MTUS2: variants seen among roughly 807,000 people sequenced by gnomAD.
MTUS2 encodes microtubule associated scaffold protein 2.
Under a neutral mutation model 114.1 loss-of-function variants are expected in MTUS2, and 40 were observed. The ratio of observed to expected loss-of-function variants is 0.35; its 90% CI spans 0.27 to 0.46. MTUS2 has a LOEUF of 0.46. MTUS2 is among the 20% of genes least tolerant of loss of function. The probability of loss-of-function intolerance (pLI) is 1.00; values close to 1 mark genes in which losing one functional copy is unlikely to be tolerated. For synonymous variants in MTUS2, 688 were observed against 672.0 expected, an observed-to-expected ratio of 1.02 and a Z score of -0.37; for missense variants, 1,679 against 1,705.4, an observed-to-expected ratio of 0.98 and a Z score of 0.27.
At chr13:29,234,703 C>A (rs542299645) in intron 5 of MTUS2, among the ~76,000 whole-genome samples, 82 of 118,178 alleles carry the variant, frequency 6.9e-4, no homozygotes, top group African/African-American at 2.7e-3. Flanking sequence ...TAGTCTGTTT[C>A]CCACTATGTA....
chr13:28,920,062 G>C (rs1397539784), intron 2 of MTUS2, among the ~76,000 whole-genome samples: 4 of 152,142 alleles, frequency 2.6e-5, no homozygotes. Context: ...CTCCAGGATT[G>C]GTCCCTGATG....
chr13:29,232,051 T>A (rs1896344354), intron 5 of MTUS2, among the ~76,000 whole-genome samples: 1 of 151,984 alleles, frequency 6.6e-6, no homozygotes, highest in Non-Finnish European at 1.5e-5. Flanking sequence ...GGCCTAAGAG[T>A]TGTATAGGCA....
rs1487786982 is a variant in MTUS2 at position 29,305,193 on chromosome 13, G to A, written c.2807-19420G>A. ...TCCATGTCAAAAAGCTAGAAAGATTGTAAGTTAACAACCTAACATCTCAAA... is the reference window on the plus strand; with the variant it reads ...TCCATGTCAAAAAGCTAGAAAGATTATAAGTTAACAACCTAACATCTCAAA... On this transcript the variant is annotated intron_variant, in intron 6 of 15. Transcript: ENST00000612955. Among the ~76,000 whole-genome samples the A allele has an allele frequency of 2.6e-5, 4 of 152,110 alleles. No homozygotes were observed. The South Asian group carries it at 6.2e-4, about 24-fold the overall frequency.
At chr13:28,875,900 C>T (rs1321766225) in intron 2 of MTUS2, among the ~76,000 whole-genome samples, 6 of 152,056 alleles carry the variant, frequency 3.9e-5, no homozygotes, top group African/African-American at 7.3e-5. Flanking sequence ...TATTAAAACC[C>T]GTTTAAAATT....
intron 9 of MTUS2, among the ~76,000 whole-genome samples, chr13:29,463,992 CAAAAGAAAAG>C (rs61554197): frequency 0.087 from 13,177 of 151,766 alleles, 1,833 homozygotes; most frequent in African/African-American, 0.3. Context: ...GACTGTGTCT[CAAAAGAAAAG>C]AAAAGAAAAG....
intron 5 of MTUS2, among the ~76,000 whole-genome samples, chr13:29,207,137 G>A (rs551856039): frequency 4.7e-4 from 72 of 151,906 alleles, no homozygotes; most frequent in African/African-American, 1.6e-3. Flanking sequence ...TTGGTTAGGT[G>A]TAATATACTC....
At chr13:28,931,925 G>A (rs904610411) in intron 2 of MTUS2, among the ~76,000 whole-genome samples, 3 of 151,964 alleles carry the variant, frequency 2.0e-5, no homozygotes, top group East Asian at 1.9e-4. Flanking sequence ...GAGAACATGC[G>A]GTGTCAACCT....
intron 8 of MTUS2, among the ~76,000 whole-genome samples, chr13:29,375,321 A>G (rs1201905393): frequency 1.3e-5 from 2 of 150,664 alleles, no homozygotes; most frequent in African/African-American, 4.9e-5. Flanking sequence ...GAAAGCCATT[A>G]CTTTTGCGGT....
At chr13:28,875,416 A>G (rs528826859) in intron 2 of MTUS2, among the ~76,000 whole-genome samples, 78 of 152,380 alleles carry the variant, frequency 5.1e-4, no homozygotes, top group African/African-American at 1.1e-3. Flanking sequence ...CCAAACTTAG[A>G]TAAAGTGGAT....
At chr13:29,373,307 G>GT (rs1452382842) in intron 8 of MTUS2, among the ~76,000 whole-genome samples, 1 of 152,150 alleles carries the variant, frequency 6.6e-6, no homozygotes, top group Non-Finnish European at 1.5e-5. Context: ...TGTGGTCCCT[G>GT]TTTTTATTAT....
At chr13:29,380,110 G>A (rs1162168489) in intron 8 of MTUS2, among the ~76,000 whole-genome samples, 1 of 152,158 alleles carries the variant, frequency 6.6e-6, no homozygotes, top group African/African-American at 2.4e-5. Context: ...AGGACTGGAA[G>A]GTGGCTGACT....
intron 5 of MTUS2, among the ~76,000 whole-genome samples, chr13:29,118,342 G>A (rs1891172616): frequency 6.6e-6 from 1 of 152,002 alleles, no homozygotes; most frequent in African/African-American, 2.4e-5. Context: ...TCCAGGGTGA[G>A]GTTAGTGATG....
chr13:28,996,841 A>G lies in MTUS2; in HGVS notation c.-242-27616A>G, dbSNP rs571110483. ...TCTATCAATTTTGTTGATCTTTTCA[A>G]AAAACCAGCTCCTGGATTCATTGAT... On this transcript the variant is annotated intron_variant, in intron 2 of 15. Transcript: ENST00000612955. Among the ~76,000 whole-genome samples, 34 of 152,198 alleles carry G rather than the reference A, an allele frequency of 2.2e-4. No homozygotes were observed. In the South Asian group the frequency reaches 3.5e-3, roughly 16 times the overall value.
chr13:29,029,969 C>A (rs11840020), intron 3 of MTUS2, among the ~76,000 whole-genome samples: 5,957 of 152,256 alleles, frequency 0.039, 376 homozygotes, highest in African/African-American at 0.13. Context: ...ACAGACAAGC[C>A]AACCATATCC....
intron 2 of MTUS2, among the ~76,000 whole-genome samples, chr13:28,952,254 A>G (rs1332526863): frequency 6.6e-6 from 1 of 152,242 alleles, no homozygotes; most frequent in Non-Finnish European, 1.5e-5. Flanking sequence ...ACTCCCTGAG[A>G]CAGTCAGTGT....
intron 2 of MTUS2, among the ~76,000 whole-genome samples, chr13:28,905,149 T>A (rs1879910127): frequency 6.6e-6 from 1 of 151,586 alleles, no homozygotes; most frequent in Non-Finnish European, 1.5e-5. Context: ...TTAAGGAGAT[T>A]TTGGGCTGAG....
At chr13:29,229,925 CAATGT>C (rs1356166378) in intron 5 of MTUS2, among the ~76,000 whole-genome samples, 3 of 152,248 alleles carry the variant, frequency 2.0e-5, no homozygotes, top group Non-Finnish European at 4.4e-5. Context: ...GTTTTATACA[CAATGT>C]ATAGCATTCG....
In MTUS2 at chr13:28,904,524, T is replaced by C. The variant is rs1879859967; in HGVS notation, c.-243+64674T>C. Among the ~76,000 whole-genome samples the C allele has an allele frequency of 5.3e-5, 8 of 152,330 alleles. No individual in the cohort carries two copies. In the South Asian group the frequency reaches 1.7e-3, roughly 32 times the overall value. ...ATTAAATAGGGAATCCTTTCCCCAT[T>C]TCTTGTTTTTGTCAGGTTTGTCAAA... On this transcript the variant is annotated intron_variant, in intron 2 of 15. Transcript: ENST00000612955.
At chr13:29,217,627 A>G (rs915756332) in intron 5 of MTUS2, among the ~76,000 whole-genome samples, 1 of 152,174 alleles carries the variant, frequency 6.6e-6, no homozygotes, top group Non-Finnish European at 1.5e-5. Context: ...GGCAATTTCT[A>G]AATTTAAGGG....
Sources: gnomAD v4.1 joint callset for allele counts (sites outside exome capture counted in the v4.1 genomes callset) on GRCh38, gnomAD v4.1.1 for gene constraint, MANE v1.5 for transcripts, NCBI Gene and HGNC (gene_info 2026-07-23, HGNC 2026-07-21) for gene names.